KLHL20: variants seen among roughly 807,000 people sequenced by gnomAD.
KLHL20 encodes the protein kelch-like protein 20.
Under a neutral mutation model 69.5 loss-of-function variants are expected in KLHL20, and 29 were observed. The ratio of observed to expected loss-of-function variants is 0.42; its 90% CI spans 0.31 to 0.57. The LOEUF (loss-of-function observed/expected upper bound fraction) is 0.57, where lower values mean the gene tolerates loss of function less well. Among genes scored for constraint, KLHL20 ranks in the 20% least tolerant of loss-of-function variants. The probability of loss-of-function intolerance (pLI) is 0.18; values close to 1 mark genes in which losing one functional copy is unlikely to be tolerated. For missense variants in KLHL20, 419 were observed against 776.0 expected (o/e 0.54, Z 5.47); for synonymous variants, 253 against 265.2 (o/e 0.95, Z 0.45).
At position 173,775,626 on chromosome 1, in the gene KLHL20, C is replaced by T. The variant is rs201147637; in HGVS notation, c.1430-8C>T. ...ATGCTCACTTACTGGTTTTTCTTTT[C>T]CCTACAGTGGAACGTTACAATCCTC... On this transcript the variant is annotated splice_region_variant and splice_polypyrimidine_tract_variant and intron_variant, in intron 9 of 11. Coordinates refer to ENST00000209884, the MANE Select transcript of KLHL20 (RefSeq NM_014458.4). 6.4e-4 allele frequency: 1,033 copies of T among 1,612,410 alleles called. 1 individual carries two copies. Among genetic ancestry groups the T allele is most frequent in the Non-Finnish European group, 8.0e-4 (942 of 1,179,122 alleles).
At chr1:173,727,179 A>G (rs1380286184) in intron 2 of KLHL20, among the ~76,000 whole-genome samples, 1 of 152,128 alleles carries the variant, frequency 6.6e-6, no homozygotes, top group African/African-American at 2.4e-5. Flanking sequence ...AAATGAAGCA[A>G]GAAGAGAAGT....
intron 2 of KLHL20, among the ~76,000 whole-genome samples, chr1:173,727,983 A>G (rs963631208): frequency 5.3e-5 from 8 of 152,198 alleles, no homozygotes; most frequent in Admixed American, 1.3e-4. Flanking sequence ...AAGACCTATC[A>G]GTGTGCTGTA....
At chr1:173,740,858 A>G (rs1672776022) in intron 3 of KLHL20, among the ~76,000 whole-genome samples, 1 of 151,972 alleles carries the variant, frequency 6.6e-6, no homozygotes, top group Non-Finnish European at 1.5e-5. Flanking sequence ...CACTCAGTCA[A>G]ATTATTACAC....
intron 8 of KLHL20, among the ~76,000 whole-genome samples, chr1:173,770,844 G>T (rs919473411): frequency 1.3e-5 from 2 of 151,964 alleles, no homozygotes; most frequent in Non-Finnish European, 2.9e-5. Flanking sequence ...ATAATCCAAA[G>T]TTACTTTCCT....
intron 7 of KLHL20, among the ~76,000 whole-genome samples, chr1:173,764,769 G>A (rs1647571816): frequency 6.6e-6 from 1 of 152,042 alleles, no homozygotes; most frequent in South Asian, 2.1e-4. Context: ...TACAAATATG[G>A]TGCCATGTAT....
At chr1:173,773,936 C>G (rs1488444646) in intron 8 of KLHL20, among the ~76,000 whole-genome samples, 1 of 151,528 alleles carries the variant, frequency 6.6e-6, no homozygotes, top group East Asian at 1.9e-4. Flanking sequence ...TGGCGTGAAC[C>G]CAGGAGGCGG....
intron 3 of KLHL20, among the ~76,000 whole-genome samples, chr1:173,741,408 G>A (rs1019345749): frequency 2.0e-5 from 3 of 152,006 alleles, no homozygotes; most frequent in East Asian, 1.9e-4. Flanking sequence ...TGGATCAAAC[G>A]TTTAAACATA....
intron 7 of KLHL20, among the ~76,000 whole-genome samples, chr1:173,760,490 G>A (rs966910254): frequency 6.6e-6 from 1 of 152,100 alleles, no homozygotes; most frequent in African/African-American, 2.4e-5. Flanking sequence ...AACTTATAAA[G>A]GAAAACCTAC....
At chr1:173,757,858 A>G (rs1673621683) in intron 7 of KLHL20, among the ~76,000 whole-genome samples, 1 of 152,118 alleles carries the variant, frequency 6.6e-6, no homozygotes, top group African/African-American at 2.4e-5. Flanking sequence ...AATGTGTTTC[A>G]CCATAATATC....
intron 4 of KLHL20, 119 bp from the exon 5 acceptor site, chr1:173,753,094 G>T: frequency 1.3e-6 from 1 of 743,850 alleles, no homozygotes; most frequent in Non-Finnish European, 2.2e-6. Flanking sequence ...CATCACTTGA[G>T]CCCAGGAGAT....
rs908989677 is a variant in KLHL20, at chr1:173,785,081, A to C, written c.1746-82A>C. ...ATATAAAACATAGAAACGTGTTAAT[A>C]ACATCTTAGTCGTAGTTAATAACAT... On this transcript the variant is annotated intron_variant, in intron 11 of 11. Transcript: ENST00000209884. 55 of 1,049,000 alleles carry C rather than the reference A, an allele frequency of 5.2e-5. No individual in the cohort carries two copies. In the African/African-American group the frequency reaches 8.6e-4, roughly 16 times the overall value. 65.0% of individuals were successfully genotyped at this position (1,049,000 alleles called of 1,614,324 possible).
At chr1:173,718,394 A>C (rs1671557191) in intron 2 of KLHL20, among the ~76,000 whole-genome samples, 1 of 151,986 alleles carries the variant, frequency 6.6e-6, no homozygotes, top group Non-Finnish European at 1.5e-5. Context: ...AACAAGAAAA[A>C]TTTAGCCAAG....
intron 3 of KLHL20, among the ~76,000 whole-genome samples, chr1:173,734,877 A>G (rs1331069414): frequency 1.3e-5 from 2 of 152,248 alleles, no homozygotes; most frequent in Non-Finnish European, 2.9e-5. Flanking sequence ...CAGGGAAGAT[A>G]ATCATTAAAT....
chr1:173,744,822 T>C (rs375743305), intron 3 of KLHL20, among the ~76,000 whole-genome samples: 24 of 152,322 alleles, frequency 1.6e-4, no homozygotes, highest in African/African-American at 5.8e-4. Flanking sequence ...GTTTTCTATT[T>C]ATTATGGCTT....
intron 2 of KLHL20, among the ~76,000 whole-genome samples, chr1:173,725,906 A>G (rs1226844892): frequency 6.6e-6 from 1 of 152,208 alleles, no homozygotes; most frequent in African/African-American, 2.4e-5. Flanking sequence ...GGTGCAGGAC[A>G]GTGGGTGCAG....
At chr1:173,752,648 A>T (rs151272125) in intron 4 of KLHL20, among the ~76,000 whole-genome samples, 7 of 152,278 alleles carry the variant, frequency 4.6e-5, no homozygotes, top group Admixed American at 4.6e-4. Flanking sequence ...TGTTATTGTG[A>T]TTATAGTCTT....
rs542997635 is a variant in KLHL20 at position 173,735,481 on chromosome 1, C to T, written c.597+1195C>T. Among the ~76,000 whole-genome samples the T allele has an allele frequency of 9.9e-5, 15 of 151,590 alleles. No individual in the cohort carries two copies. The East Asian group carries it at 2.9e-3, about 29-fold the overall frequency. Reference sequence around the variant, plus strand: ...AAAAAAAAAAGAATTTGAGATTGATCCTAAGAGTGCTAGAAAACCATTAAA... The same window carrying T: ...AAAAAAAAAAGAATTTGAGATTGATTCTAAGAGTGCTAGAAAACCATTAAA... On this transcript the variant is annotated intron_variant, in intron 3 of 11. Transcript: ENST00000209884.
At chr1:173,759,108 C>A (rs1039909708) in intron 7 of KLHL20, among the ~76,000 whole-genome samples, 12 of 152,076 alleles carry the variant, frequency 7.9e-5, no homozygotes, top group African/African-American at 2.9e-4. Flanking sequence ...TGACTGCCGG[C>A]TTTCCCCCAC....
intron 10 of KLHL20, 36 bp from the exon 11 acceptor site, chr1:173,782,088 G>A (rs1411484051): frequency 3.5e-6 from 5 of 1,444,674 alleles, no homozygotes; most frequent in South Asian, 1.1e-5. Flanking sequence ...CGATTGTCTA[G>A]TTTCTTCAGC....
Sources: gnomAD v4.1 joint callset for allele counts (sites outside exome capture counted in the v4.1 genomes callset) on GRCh38, gnomAD v4.1.1 for gene constraint, MANE v1.5 for transcripts, NCBI Gene and HGNC (gene_info 2026-07-23, HGNC 2026-07-21) for gene names.